Variants in GPC6 observed in about 807,000 individuals in gnomAD.
The protein encoded by GPC6 is glypican-6.
A neutral mutation model predicts 55.2 loss-of-function variants in GPC6; 14 were observed. That is an observed-to-expected ratio of 0.25 (90% CI 0.17 to 0.40). The LOEUF is 0.40. Among genes scored for constraint, GPC6 ranks in the 10% least tolerant of loss-of-function variants. The probability of loss-of-function intolerance (pLI) is 1.00; values close to 1 mark genes in which losing one functional copy is unlikely to be tolerated. For synonymous variants in GPC6, 278 were observed against 259.6 expected (o/e 1.07, Z -0.68); for missense variants, 641 against 708.5 (o/e 0.90, Z 1.08).
intron 2 of GPC6, among the ~76,000 whole-genome samples, chr13:93,669,192 A>AT (rs1157791234): frequency 3.3e-5 from 5 of 151,766 alleles, no homozygotes; most frequent in East Asian, 1.9e-4. Flanking sequence ...TAACAGGACC[A>AT]TTTTTTTCAT....
chr13:93,257,866 A>C (rs9584097), intron 1 of GPC6, among the ~76,000 whole-genome samples: 4,746 of 152,324 alleles, frequency 0.031, 242 homozygotes, highest in African/African-American at 0.11. Flanking sequence ...ATTGAGCTAC[A>C]TACCCTGTAA....
At chr13:93,337,893 G>A (rs1259177025) in intron 1 of GPC6, among the ~76,000 whole-genome samples, 1 of 152,098 alleles carries the variant, frequency 6.6e-6, no homozygotes, top group African/African-American at 2.4e-5. Flanking sequence ...TTTCTTCATG[G>A]ATCTTTCATC....
rs17234782 is a variant in GPC6 at position 93,647,091 on chromosome 13, A to G, written c.319+101670A>G. 2.0e-3 allele frequency among the ~76,000 whole-genome samples: 305 copies of G among 152,260 alleles called. 1 individual carries two copies. The highest frequency in any genetic ancestry group is 0.013 in the East Asian group (65 of 5,182). On this transcript the variant is annotated intron_variant, in intron 2 of 8. Transcript: ENST00000377047. ...TTGAATTTCTTTGACTAGCCATCTAAAGGTGATAGGCTGAACTGTCTTTAA... is the reference window on the plus strand; with the variant it reads ...TTGAATTTCTTTGACTAGCCATCTAGAGGTGATAGGCTGAACTGTCTTTAA...
At chr13:93,404,524 C>G (rs749483663) in intron 1 of GPC6, among the ~76,000 whole-genome samples, 2 of 152,026 alleles carry the variant, frequency 1.3e-5, no homozygotes, top group Non-Finnish European at 2.9e-5. Flanking sequence ...TATAAACAAG[C>G]ATCTCAGGAC....
At chr13:93,850,066 C>T (rs574738700) in intron 3 of GPC6, among the ~76,000 whole-genome samples, 8 of 152,020 alleles carry the variant, frequency 5.3e-5, no homozygotes, top group South Asian at 4.2e-4. Flanking sequence ...CATGAATGAG[C>T]GATTAAAAGG....
At chr13:93,680,767 G>A (rs1035361754) in intron 2 of GPC6, among the ~76,000 whole-genome samples, 13 of 152,230 alleles carry the variant, frequency 8.5e-5, no homozygotes, top group Admixed American at 3.3e-4. Context: ...ATCCTATGCC[G>A]TGGCAACAAG....
chr13:93,631,354 G>A (rs1438026763), intron 2 of GPC6, among the ~76,000 whole-genome samples: 1 of 152,076 alleles, frequency 6.6e-6, no homozygotes, highest in Non-Finnish European at 1.5e-5. Flanking sequence ...AGTTTCTCTG[G>A]GGACCTCTTT....
chr13:94,334,027 C>A (rs1361314888), intron 6 of GPC6, among the ~76,000 whole-genome samples: 2 of 152,220 alleles, frequency 1.3e-5, no homozygotes, highest in Non-Finnish European at 2.9e-5. Context: ...TTTCTGTTTT[C>A]TGATGCTCCC....
chr13:94,320,715 T>C (rs1876777899), intron 6 of GPC6, among the ~76,000 whole-genome samples: 1 of 152,206 alleles, frequency 6.6e-6, no homozygotes, highest in Admixed American at 6.5e-5. Context: ...CCATTCTTAG[T>C]ACTCTTGTTT....
intron 4 of GPC6, among the ~76,000 whole-genome samples, chr13:94,039,083 A>G (rs1883440353): frequency 6.6e-6 from 1 of 151,968 alleles, no homozygotes; most frequent in Non-Finnish European, 1.5e-5. Flanking sequence ...AGTGGTAGGA[A>G]GGTAGGAATA....
chr13:93,650,507 T>A (rs1594342049), intron 2 of GPC6, among the ~76,000 whole-genome samples: 1 of 150,682 alleles, frequency 6.6e-6, no homozygotes, highest in Non-Finnish European at 1.5e-5. Context: ...TGAAAAAAAA[T>A]ACTGCCTTTC....
At chr13:93,266,542 T>A (rs899639746) in intron 1 of GPC6, among the ~76,000 whole-genome samples, 2 of 152,302 alleles carry the variant, frequency 1.3e-5, no homozygotes, top group Non-Finnish European at 1.5e-5. Context: ...CTGTTAGGAT[T>A]CATATGGCCA....
At chr13:93,904,509 T>C (rs1876529651) in intron 3 of GPC6, among the ~76,000 whole-genome samples, 1 of 152,044 alleles carries the variant, frequency 6.6e-6, no homozygotes, top group Non-Finnish European at 1.5e-5. Context: ...TTTAGAGCAG[T>C]CCAGTAAAAA....
intron 4 of GPC6, among the ~76,000 whole-genome samples, chr13:94,156,431 CATAGAT>C (rs1449295182): frequency 6.6e-6 from 1 of 152,034 alleles, no homozygotes; most frequent in African/African-American, 2.4e-5. Context: ...TAGATATAGA[CATAGAT>C]ATATAGATAC....
intron 1 of GPC6, among the ~76,000 whole-genome samples, chr13:93,243,755 T>C (rs1220662889): frequency 6.6e-6 from 1 of 151,980 alleles, no homozygotes; most frequent in Non-Finnish European, 1.5e-5. Flanking sequence ...GTGTGGACAA[T>C]GGTGTTAGCT....
chr13:94,025,681 T>C (rs1882870021), intron 3 of GPC6: 2 of 152,208 alleles, frequency 1.3e-5, no homozygotes, highest in Admixed American at 1.3e-4. Flanking sequence ...GTCAACAGAC[T>C]CCTCACCTTT....
intron 3 of GPC6, among the ~76,000 whole-genome samples, chr13:93,875,794 A>G (rs9524263): frequency 0.22 from 33,090 of 151,978 alleles, 4,561 homozygotes; most frequent in Non-Finnish European, 0.29. Context: ...GGAACCCACT[A>G]GAGGAACTAT....
intron 2 of GPC6, among the ~76,000 whole-genome samples, chr13:93,698,434 T>G (rs1334650125): frequency 6.6e-6 from 1 of 151,112 alleles, no homozygotes; most frequent in East Asian, 1.9e-4. Context: ...AGCATGTGTT[T>G]AAGTGTATTT....
chr13:94,089,059 G>C (rs1281005811), intron 4 of GPC6, among the ~76,000 whole-genome samples: 1 of 152,098 alleles, frequency 6.6e-6, no homozygotes, highest in African/African-American at 2.4e-5. Flanking sequence ...ACTTAATAAA[G>C]GACATGAAAG....
Sources: allele counts gnomAD v4.1 joint callset (sites outside exome capture counted in the v4.1 genomes callset), GRCh38; gene constraint gnomAD v4.1.1; transcripts MANE v1.5; gene names NCBI Gene and HGNC (gene_info 2026-07-23, HGNC 2026-07-21).